The following TBK1 variants were observed in gnomAD, a reference collection of about 807,000 sequenced individuals.
TBK1 encodes the protein serine/threonine-protein kinase TBK1.
Under a neutral mutation model 99.9 loss-of-function variants are expected in TBK1, and 37 were observed. The observed-to-expected ratio is 0.37, with a 90% CI of 0.28 to 0.49. TBK1 has a LOEUF of 0.49. Among genes scored for constraint, TBK1 ranks in the 20% least tolerant of loss-of-function variants. The pLI, the probability that TBK1 is intolerant of heterozygous loss-of-function variation, is 0.98. For synonymous variants in TBK1, 258 were observed against 279.8 expected, an observed-to-expected ratio of 0.92 and a Z score of 0.78; for missense variants, 644 against 872.5, an observed-to-expected ratio of 0.74 and a Z score of 3.30.
At chr12:64,486,934 G>T (rs1208975523) in intron 11 of TBK1, among the ~76,000 whole-genome samples, 1 of 152,038 alleles carries the variant, frequency 6.6e-6, no homozygotes, top group Non-Finnish European at 1.5e-5. Flanking sequence ...CTGTTTGCCT[G>T]TTCCAGACAT....
chr12:64,474,152 C>T, intron 5 of TBK1, 78 bp from the exon 6 acceptor site: 1 of 1,317,882 alleles, frequency 7.6e-7, no homozygotes, highest in South Asian at 1.5e-5. Context: ...AATTTCTAAG[C>T]ATTATTGAGT....
chr12:64,454,285 C>A (rs961119748), intron 1 of TBK1, among the ~76,000 whole-genome samples: 30 of 152,182 alleles, frequency 2.0e-4, no homozygotes, highest in African/African-American at 7.2e-4. Flanking sequence ...CTCGCTCTGT[C>A]ACCCTGGCTG....
chr12:64,479,991 T>G (rs1279452194), intron 6 of TBK1, 21 bp from the exon 7 acceptor site: 2 of 1,562,658 alleles, frequency 1.3e-6, no homozygotes, highest in Non-Finnish European at 1.8e-6. Context: ...CTTATTTTAT[T>G]CTGCTTTTGT....
intron 4 of TBK1, 83 bp from the exon 5 acceptor site, chr12:64,466,818 G>A (rs1592357983): frequency 8.8e-7 from 1 of 1,132,828 alleles, no homozygotes; most frequent in East Asian, 2.9e-5. Context: ...TTAAGTTTGG[G>A]TGACTATATC....
At chr12:64,494,349 C>A (rs1464719656) in intron 13 of TBK1, among the ~76,000 whole-genome samples, 1 of 151,690 alleles carries the variant, frequency 6.6e-6, no homozygotes, top group Non-Finnish European at 1.5e-5. Context: ...CGCAATAGCA[C>A]GCACTTGTAA....
intron 3 of TBK1, among the ~76,000 whole-genome samples, chr12:64,461,437 C>T (rs1017984066): frequency 2.0e-5 from 3 of 152,076 alleles, no homozygotes; most frequent in African/African-American, 4.8e-5. Context: ...GTAGTTTATA[C>T]TCTTTATCCG....
At chr12:64,490,638 A>C (rs1189920077) in intron 13 of TBK1, among the ~76,000 whole-genome samples, 1 of 152,190 alleles carries the variant, frequency 6.6e-6, no homozygotes, top group Non-Finnish European at 1.5e-5. Context: ...GAGCTTGTTT[A>C]GAAATAGATT....
At chr12:64,458,960 A>G (rs1480642725) in intron 2 of TBK1, among the ~76,000 whole-genome samples, 2 of 152,144 alleles carry the variant, frequency 1.3e-5, no homozygotes, top group Non-Finnish European at 2.9e-5. Flanking sequence ...CAATTTGTGT[A>G]TTTTGCATGA....
At chr12:64,492,846 C>T (rs1329088407) in intron 13 of TBK1, among the ~76,000 whole-genome samples, 1 of 151,480 alleles carries the variant, frequency 6.6e-6, no homozygotes, top group Non-Finnish European at 1.5e-5. Flanking sequence ...CCTCAGCCTC[C>T]TGAGAGCTGG....
chr12:64,456,356 A>T (rs1446206764), intron 2 of TBK1, among the ~76,000 whole-genome samples: 3 of 152,174 alleles, frequency 2.0e-5, no homozygotes, highest in Non-Finnish European at 4.4e-5. Flanking sequence ...GGGAACTCAC[A>T]GGTGTTTCTG....
chr12:64,483,191 G>C (rs932947902), intron 8 of TBK1, among the ~76,000 whole-genome samples: 3 of 152,108 alleles, frequency 2.0e-5, no homozygotes, highest in African/African-American at 7.2e-5. Context: ...TGCTTGACTG[G>C]ATGGATACCC....
chr12:64,465,718 T>G (rs1235673306), intron 4 of TBK1, among the ~76,000 whole-genome samples: 6 of 152,304 alleles, frequency 3.9e-5, no homozygotes, highest in African/African-American at 1.4e-4. Flanking sequence ...ATATGAAATG[T>G]CAAGAATAGG....
At chr12:64,468,215 C>T (rs1349164270) in intron 5 of TBK1, among the ~76,000 whole-genome samples, 3 of 151,530 alleles carry the variant, frequency 2.0e-5, no homozygotes, top group African/African-American at 7.3e-5. Context: ...GGTACCTGGC[C>T]CAGGCATGGT....
At chr12:64,468,637 G>A (rs1196875194) in intron 5 of TBK1, among the ~76,000 whole-genome samples, 1 of 152,150 alleles carries the variant, frequency 6.6e-6, no homozygotes. Context: ...CTCTTATGGA[G>A]CCCACGTTCT....
At chr12:64,501,082 C>A (rs2040983711) in intron 20 of TBK1, among the ~76,000 whole-genome samples, 1 of 152,028 alleles carries the variant, frequency 6.6e-6, no homozygotes, top group Non-Finnish European at 1.5e-5. Flanking sequence ...GCTTATAAAT[C>A]CCACCCCACC....
intron 13 of TBK1, among the ~76,000 whole-genome samples, chr12:64,493,613 A>G (rs1334893692): frequency 1.3e-5 from 2 of 151,350 alleles, no homozygotes; most frequent in Non-Finnish European, 2.9e-5. Context: ...GGCGACAGAG[A>G]CCCTGTCTCA....
At chr12:64,501,286 G>A (rs1187046641) in intron 20 of TBK1, 44 bp from the exon 21 acceptor site, 63 of 1,605,104 alleles carry the variant, frequency 3.9e-5, no homozygotes, top group Non-Finnish European at 5.1e-5. Flanking sequence ...ATACATAAAT[G>A]CAACTTTTGA....
At chr12:64,480,468 TATG>T (rs2040758718) in intron 7 of TBK1, among the ~76,000 whole-genome samples, 3 of 152,146 alleles carry the variant, frequency 2.0e-5, no homozygotes. Context: ...GTGGATTAGA[TATG>T]AGTAAATTTC....
chr12:64,496,800 T>G (rs1304103054), intron 16 of TBK1, 149 bp from the exon 17 acceptor site: 3 of 599,050 alleles, frequency 5.0e-6, no homozygotes, highest in Non-Finnish European at 8.7e-6. Flanking sequence ...ATAATGTCTA[T>G]CTTAGAAACG....
Sources: allele counts gnomAD v4.1 joint callset (sites outside exome capture counted in the v4.1 genomes callset), GRCh38; gene constraint gnomAD v4.1.1; transcripts MANE v1.5; gene names NCBI Gene and HGNC (gene_info 2026-07-23, HGNC 2026-07-21).